Variants in EPSTI1 observed in about 807,000 individuals in gnomAD.
EPSTI1 encodes epithelial-stromal interaction protein 1.
A neutral mutation model predicts 49.9 loss-of-function variants in EPSTI1; 66 were observed. That is an observed-to-expected ratio of 1.32 (90% CI 1.08 to 1.62). The LOEUF is 1.62. Ranked by LOEUF, EPSTI1 falls within the 40% of genes most tolerant of loss-of-function variation. The probability of loss-of-function intolerance (pLI) is 0.00; values close to 1 mark genes in which losing one functional copy is unlikely to be tolerated. For missense variants in EPSTI1, 394 were observed against 365.5 expected (o/e 1.08, Z -0.64); for synonymous variants, 137 against 130.7 (o/e 1.05, Z -0.33).
chr13:42,976,848 A>G (rs2039891367), intron 1 of EPSTI1, among the ~76,000 whole-genome samples: 1 of 152,228 alleles, frequency 6.6e-6, no homozygotes, highest in African/African-American at 2.4e-5. Context: ...ATTTGGGTGA[A>G]TTTACTTTTC....
chr13:42,966,698 G>A lies in EPSTI1; in HGVS notation c.331+2396C>T, dbSNP rs1394138688. On this transcript the variant is annotated intron_variant, in intron 3 of 10. Coordinates refer to ENST00000313624, the MANE Select transcript of EPSTI1 (RefSeq NM_033255.5). ...CCCCGGCCGGGAGGGAGGTGGGGGG[G>A]TCAGCCCCCCGCCCGGCCAGCCGCC... 1.1e-4 allele frequency among the ~76,000 whole-genome samples: 9 copies of A among 83,904 alleles called. 3 individuals carry two copies. The highest frequency in any genetic ancestry group is 3.3e-4 in the African/African-American group (9 of 27,376). 55.0% of individuals were successfully genotyped at this position (83,904 alleles called of 152,430 possible).
Position 42,966,581 on chromosome 13 carries a change from G to A in EPSTI1, c.332-2442C>T, listed in dbSNP as rs1406888067. Among the ~76,000 whole-genome samples the A allele has an allele frequency of 7.1e-5, 4 of 56,226 alleles. 1 individual carries two copies. The highest frequency in any genetic ancestry group is 1.1e-4 in the African/African-American group (2 of 17,908). The allele number at this position is 56,226 out of a possible 152,430, so 36.9% of individuals were successfully genotyped here. A position where few individuals can be genotyped will look rare whatever the true frequency, so the allele number is the denominator to read the frequency against. ...CGTCTGAGAAGTGAGGAGCCCCTCC[G>A]CCCGGCAGCTGCCCCGTCTGAGAAG... On this transcript the variant is annotated intron_variant, in intron 3 of 10. Coordinates refer to ENST00000313624, the MANE Select transcript of EPSTI1 (RefSeq NM_033255.5).
At chr13:42,926,986 A>AACAC (rs1422487357) in intron 6 of EPSTI1, among the ~76,000 whole-genome samples, 27 of 68,242 alleles carry the variant, frequency 4.0e-4, no homozygotes, top group African/African-American at 1.5e-3. Context: ...ACCCTCTGTT[A>AACAC]ACAGACACAC....
chr13:42,931,532 C>T (rs975844899), intron 6 of EPSTI1, among the ~76,000 whole-genome samples: 7 of 152,188 alleles, frequency 4.6e-5, no homozygotes, highest in Admixed American at 3.9e-4. Flanking sequence ...TGCCAGGGGG[C>T]GAAAGCTAAC....
chr13:42,976,545 T>A (rs2039885824), intron 1 of EPSTI1, among the ~76,000 whole-genome samples: 1 of 152,176 alleles, frequency 6.6e-6, no homozygotes, highest in Non-Finnish European at 1.5e-5. Flanking sequence ...AACCACTTAC[T>A]TATGAAATGT....
chr13:42,975,559 T>C (rs1223729223), intron 1 of EPSTI1, among the ~76,000 whole-genome samples: 1 of 152,020 alleles, frequency 6.6e-6, no homozygotes, highest in Non-Finnish European at 1.5e-5. Flanking sequence ...TTTAAGAAAA[T>C]GAGAGGCATA....
intron 8 of EPSTI1, among the ~76,000 whole-genome samples, chr13:42,905,323 TCG>T (rs1216474004): frequency 1.3e-5 from 2 of 152,176 alleles, no homozygotes; most frequent in Non-Finnish European, 2.9e-5. Context: ...GGTGCTGGCA[TCG>T]CTGCACTCAG....
chr13:42,908,900 T>C (rs972595586), intron 8 of EPSTI1, among the ~76,000 whole-genome samples: 2 of 146,516 alleles, frequency 1.4e-5, no homozygotes, highest in Non-Finnish European at 3.0e-5. Context: ...CTGATCAACA[T>C]GGTGAAACCC....
chr13:42,936,843 G>C (rs2038580857), intron 6 of EPSTI1, among the ~76,000 whole-genome samples: 1 of 152,010 alleles, frequency 6.6e-6, no homozygotes, highest in African/African-American at 2.4e-5. Context: ...TTAAACTCTT[G>C]ATATTTTTCT....
intron 6 of EPSTI1, among the ~76,000 whole-genome samples, chr13:42,931,878 T>G (rs976273950): frequency 3.9e-5 from 6 of 152,040 alleles, no homozygotes; most frequent in African/African-American, 1.5e-4. Context: ...ATACATCTTG[T>G]GCAAATACAT....
chr13:42,961,379 ACAGTACAAGG>A (rs548537491), intron 5 of EPSTI1, among the ~76,000 whole-genome samples: 1 of 152,214 alleles, frequency 6.6e-6, no homozygotes, highest in Non-Finnish European at 1.5e-5. Flanking sequence ...GACAATTCCC[ACAGTACAAGG>A]CAGTACAAGG....
chr13:42,956,997 C>G (rs910961304), intron 5 of EPSTI1, among the ~76,000 whole-genome samples: 13 of 152,232 alleles, frequency 8.5e-5, no homozygotes, highest in African/African-American at 3.1e-4. Flanking sequence ...TAAACTGCAG[C>G]AAGGGCCACA....
At chr13:42,907,852 T>C (rs1189129642) in intron 8 of EPSTI1, among the ~76,000 whole-genome samples, 1 of 152,202 alleles carries the variant, frequency 6.6e-6, no homozygotes, top group Non-Finnish European at 1.5e-5. Context: ...CTCTGCTTTA[T>C]TCGAATTGAC....
At chr13:42,899,191 CTG>C (rs2037282537) in intron 9 of EPSTI1, among the ~76,000 whole-genome samples, 3 of 138,746 alleles carry the variant, frequency 2.2e-5, no homozygotes, top group Non-Finnish European at 3.1e-5. Context: ...GAGTGAGACT[CTG>C]TCTCAAAAAA....
intron 1 of EPSTI1, among the ~76,000 whole-genome samples, chr13:42,970,896 G>A (rs377513799): frequency 7.9e-5 from 12 of 152,270 alleles, no homozygotes; most frequent in Admixed American, 1.3e-4. Flanking sequence ...TAAAGCATTC[G>A]ATGAGTGACA....
chr13:42,947,336 T>A (rs1275461297), intron 6 of EPSTI1, among the ~76,000 whole-genome samples: 1 of 152,128 alleles, frequency 6.6e-6, no homozygotes, highest in Non-Finnish European at 1.5e-5. Context: ...CAACCATGTA[T>A]ACAGTAGTGA....
intron 1 of EPSTI1, among the ~76,000 whole-genome samples, chr13:42,981,838 T>G (rs372543087): frequency 8.9e-4 from 135 of 152,290 alleles, no homozygotes; most frequent in African/African-American, 3.1e-3. Context: ...GTGAAAATTG[T>G]TTTGTGAAAT....
chr13:42,897,745 A>G (rs1196222384), intron 9 of EPSTI1, among the ~76,000 whole-genome samples: 1 of 152,244 alleles, frequency 6.6e-6, no homozygotes, highest in East Asian at 1.9e-4. Flanking sequence ...CAACTTGCCT[A>G]TGTCCACAGC....
At chr13:42,896,339 G>A (rs182004178) in intron 9 of EPSTI1, among the ~76,000 whole-genome samples, 41 of 152,226 alleles carry the variant, frequency 2.7e-4, no homozygotes, top group Admixed American at 8.5e-4. Context: ...CTACTTCGCT[G>A]GAGACTCAAC....
Sources: gnomAD v4.1 joint callset for allele counts (sites outside exome capture counted in the v4.1 genomes callset) on GRCh38, gnomAD v4.1.1 for gene constraint, MANE v1.5 for transcripts, NCBI Gene and HGNC (gene_info 2026-07-23, HGNC 2026-07-21) for gene names.